Variants in PCDH15 observed in about 807,000 individuals in gnomAD.
The protein encoded by PCDH15 is protocadherin related 15, also known as protocadherin-15.
In PCDH15, 129 loss-of-function variants were observed where a neutral mutation model predicts 178.5. The ratio of observed to expected loss-of-function variants is 0.72; its 90% CI spans 0.63 to 0.84. PCDH15 has a LOEUF of 0.84. Among genes scored for constraint, PCDH15 ranks in the 40% least tolerant of loss-of-function variants. The pLI, the probability that PCDH15 is intolerant of heterozygous loss-of-function variation, is 0.00. For synonymous variants in PCDH15, 800 were observed against 732.0 expected (o/e 1.09, Z -1.50); for missense variants, 2,230 against 2,099.9 (o/e 1.06, Z -1.21).
At chr10:55,034,573 T>A (rs1467118148) in intron 2 of PCDH15, among the ~76,000 whole-genome samples, 1 of 152,136 alleles carries the variant, frequency 6.6e-6, no homozygotes, top group African/African-American at 2.4e-5. Context: ...AGGCACAAAC[T>A]CAAAGTAGGC....
intron 28 of PCDH15, among the ~76,000 whole-genome samples, chr10:53,841,311 A>G (rs116142194): frequency 0.032 from 4,825 of 152,198 alleles, 250 homozygotes; most frequent in African/African-American, 0.11. Context: ...AATAATTTTA[A>G]TTACTATATA....
intron 2 of PCDH15, among the ~76,000 whole-genome samples, chr10:55,551,370 T>G (rs1367317960): frequency 6.6e-6 from 1 of 151,944 alleles, no homozygotes; most frequent in Non-Finnish European, 1.5e-5. Flanking sequence ...AGTTTACAAT[T>G]ACATGCATTC....
At chr10:54,184,480 C>T (rs2048309530) in intron 12 of PCDH15, among the ~76,000 whole-genome samples, 1 of 151,812 alleles carries the variant, frequency 6.6e-6, no homozygotes, top group South Asian at 2.1e-4. Flanking sequence ...GTGTATTTCC[C>T]TATCTCATGA....
intron 2 of PCDH15, among the ~76,000 whole-genome samples, chr10:55,555,902 G>C (rs1396464260): frequency 6.6e-6 from 1 of 151,928 alleles, no homozygotes; most frequent in Non-Finnish European, 1.5e-5. Context: ...CCCACAATTT[G>C]CCTGACATCA....
chr10:54,747,749 C>T (rs1945647855), intron 1 of PCDH15, among the ~76,000 whole-genome samples: 1 of 151,754 alleles, frequency 6.6e-6, no homozygotes, highest in Admixed American at 6.6e-5. Context: ...CCATGAATAA[C>T]CATTTTCTGT....
intron 3 of PCDH15, among the ~76,000 whole-genome samples, chr10:54,853,404 C>CATATATACACACATACAT (rs1208438758): frequency 1.4e-4 from 13 of 89,810 alleles, no homozygotes; most frequent in Non-Finnish European, 5.2e-5. Context: ...TATACACACA[C>CATATATACACACATACAT]ATATATATAC....
At chr10:55,346,903 A>G (rs994241510) in intron 2 of PCDH15, among the ~76,000 whole-genome samples, 4 of 151,958 alleles carry the variant, frequency 2.6e-5, no homozygotes, top group African/African-American at 9.7e-5. Context: ...ACAGGTTACT[A>G]TAAATTAGGA....
At chr10:55,434,077 C>CTTTTTTTTTTTTTTTTTTTTTTT (rs60921527) in intron 2 of PCDH15, among the ~76,000 whole-genome samples, 4 of 90,814 alleles carry the variant, frequency 4.4e-5, no homozygotes, top group Admixed American at 1.7e-4. Flanking sequence ...CTTTTCTTTT[C>CTTTTTTTTTTTTTTTTTTTTTTT]TTTTTTTTTT....
chr10:54,899,717 G>A (rs1954610835), intron 2 of PCDH15, among the ~76,000 whole-genome samples: 2 of 151,918 alleles, frequency 1.3e-5, no homozygotes, highest in South Asian at 2.1e-4. Context: ...GGATGGTCTC[G>A]AACTTCTGAC....
chr10:54,606,249 A>T (rs553429850), intron 2 of PCDH15: 1 of 152,160 alleles, frequency 6.6e-6, no homozygotes, highest in Admixed American at 6.6e-5. Flanking sequence ...TTGTTTGGGC[A>T]TTTTTTCTCA....
chr10:53,872,635 G>C (rs2079950760), intron 26 of PCDH15, among the ~76,000 whole-genome samples: 1 of 152,144 alleles, frequency 6.6e-6, no homozygotes, highest in South Asian at 2.1e-4. Flanking sequence ...TAAATAATCA[G>C]TCAGACTAGT....
At chr10:55,244,694 A>T (rs1360752834) in intron 1 of PCDH15, among the ~76,000 whole-genome samples, 1 of 151,808 alleles carries the variant, frequency 6.6e-6, no homozygotes, top group Non-Finnish European at 1.5e-5. Context: ...TATAATCTTG[A>T]GTTCCCAATG....
intron 9 of PCDH15, among the ~76,000 whole-genome samples, chr10:54,221,745 G>C (rs1216867009): frequency 6.6e-6 from 1 of 152,036 alleles, no homozygotes; most frequent in African/African-American, 2.4e-5. Flanking sequence ...TGGGATTACA[G>C]GTGCCCACCA....
In PCDH15 at chr10:54,236,832, T is replaced by C. The variant is rs1564753573; in HGVS notation, c.976A>G (p.Ile326Val). 1 of 1,611,164 alleles carries C rather than the reference T, an allele frequency of 6.2e-7. No homozygotes were observed. The highest frequency in any genetic ancestry group is 2.2e-5 in the East Asian group (1 of 44,828). ...GTTATCAGATACAAACCAACAAGGA[T>C]GGAATAGAGGATTCCTGGCCTATCT... Reference protein sequence around the residue: ...PSDRPGILYSILVGTPEDYPR... With the variant: ...PSDRPGILYSVLVGTPEDYPR... Residue 326 changes from isoleucine to valine, a missense_variant, in exon 9 of 38, where the codon ATC becomes GTC. Coordinates refer to ENST00000644397, the MANE Select transcript of PCDH15 (RefSeq NM_001384140.1).
intron 2 of PCDH15, among the ~76,000 whole-genome samples, chr10:55,590,392 G>A (rs1842821427): frequency 6.6e-6 from 1 of 151,550 alleles, no homozygotes; most frequent in African/African-American, 2.4e-5. Context: ...CAGCACACCA[G>A]CATGGCACAT....
At chr10:55,525,613 C>T (rs1039671719) in intron 2 of PCDH15, among the ~76,000 whole-genome samples, 4 of 151,840 alleles carry the variant, frequency 2.6e-5, no homozygotes, top group Admixed American at 6.6e-5. Flanking sequence ...AGTTGAAAGA[C>T]TCTTTTATTT....
chr10:54,365,499 C>T (rs541671602), intron 5 of PCDH15, among the ~76,000 whole-genome samples: 1 of 151,912 alleles, frequency 6.6e-6, no homozygotes, highest in South Asian at 2.1e-4. Flanking sequence ...CATTAAAAAC[C>T]AGACATATAT....
At chr10:54,449,927 C>T (rs11004312) in intron 3 of PCDH15, among the ~76,000 whole-genome samples, 8,144 of 151,404 alleles carry the variant, frequency 0.054, 494 homozygotes, top group African/African-American at 0.15. Context: ...TTACTTATTT[C>T]GCCTCTTGCT....
chr10:54,478,358 C>T (rs1052256639), intron 3 of PCDH15, among the ~76,000 whole-genome samples: 6 of 152,140 alleles, frequency 3.9e-5, no homozygotes, highest in East Asian at 1.9e-4. Flanking sequence ...GACTTTGAAA[C>T]CAGTTACCTA....
Sources: gnomAD v4.1 joint callset for allele counts (sites outside exome capture counted in the v4.1 genomes callset) on GRCh38, gnomAD v4.1.1 for gene constraint, MANE v1.5 for transcripts, NCBI Gene and HGNC (gene_info 2026-07-23, HGNC 2026-07-21) for gene names.